The following DLG2 variants were observed in gnomAD, a reference collection of about 807,000 sequenced individuals.
DLG2 encodes disks large homolog 2.
A neutral mutation model predicts 132.5 loss-of-function variants in DLG2; 45 were observed. That is an observed-to-expected ratio of 0.34 (90% confidence interval 0.27 to 0.44). DLG2 has a LOEUF of 0.44. Among genes scored for constraint, DLG2 ranks in the 20% least tolerant of loss-of-function variants. The pLI is 1.00. For synonymous variants in DLG2, 424 were observed against 419.6 expected, an observed-to-expected ratio of 1.01 and a Z score of -0.13; for missense variants, 1,045 against 1,196.9, an observed-to-expected ratio of 0.87 and a Z score of 1.87.
chr11:83,499,800 T>C (rs1233535476), intron 21 of DLG2, among the ~76,000 whole-genome samples: 1 of 138,228 alleles, frequency 7.2e-6, no homozygotes, highest in African/African-American at 2.6e-5. Context: ...ATATATAATA[T>C]CATATATATA....
At chr11:83,661,553 T>C (rs542009076) in intron 18 of DLG2, among the ~76,000 whole-genome samples, 2 of 152,286 alleles carry the variant, frequency 1.3e-5, no homozygotes, top group Middle Eastern at 6.8e-3. Flanking sequence ...GATTTTATAA[T>C]ATTAATTTTT....
At chr11:84,792,646 T>C (rs1463846788) in intron 6 of DLG2, among the ~76,000 whole-genome samples, 2 of 152,126 alleles carry the variant, frequency 1.3e-5, no homozygotes, top group East Asian at 1.9e-4. Context: ...TAGTTCAATA[T>C]TGGTAGGTTC....
chr11:85,514,254 A>G (rs1435529967), intron 3 of DLG2, among the ~76,000 whole-genome samples: 1 of 152,036 alleles, frequency 6.6e-6, no homozygotes, highest in East Asian at 1.9e-4. Context: ...ACAAATGCAG[A>G]AATGTAAGGC....
intron 8 of DLG2, among the ~76,000 whole-genome samples, chr11:84,202,502 A>G (rs1278024250): frequency 6.6e-6 from 1 of 152,218 alleles, no homozygotes; most frequent in African/African-American, 2.4e-5. Flanking sequence ...TAAAACCCAA[A>G]ACTATAAAAA....
At chr11:85,006,309 C>A (rs923497086) in intron 6 of DLG2, among the ~76,000 whole-genome samples, 2 of 152,166 alleles carry the variant, frequency 1.3e-5, no homozygotes, top group African/African-American at 4.8e-5. Flanking sequence ...ATATTACCAG[C>A]TCCTCTTTGT....
At chr11:84,952,120 T>C (rs1299357531) in intron 6 of DLG2, among the ~76,000 whole-genome samples, 2 of 152,226 alleles carry the variant, frequency 1.3e-5, no homozygotes, top group Non-Finnish European at 2.9e-5. Flanking sequence ...ACAAATCCAA[T>C]TATGCTTACT....
intron 7 of DLG2, among the ~76,000 whole-genome samples, chr11:84,503,259 T>C (rs550368882): frequency 6.6e-6 from 1 of 152,298 alleles, no homozygotes; most frequent in South Asian, 2.1e-4. Flanking sequence ...GAATACCCAA[T>C]ACTATTTCAT....
Position 84,677,868 on chromosome 11 carries a change from G to C in DLG2, c.358-143137C>G, listed in dbSNP as rs535086197. On this transcript the variant is annotated intron_variant, in intron 6 of 27. Coordinates refer to ENST00000376104, the MANE Select transcript of DLG2 (RefSeq NM_001142699.3). ...AGCCCTACTGCACTCCAACTTGGGA[G>C]AAAGAGTGAGACTCTGTCTCAAAAA... Among the ~76,000 whole-genome samples the C allele has an allele frequency of 3.9e-5, 6 of 152,116 alleles. No homozygotes were observed. The South Asian group carries it at 1.2e-3, about 32-fold the overall frequency.
intron 6 of DLG2, among the ~76,000 whole-genome samples, chr11:84,888,545 G>A (rs181345979): frequency 2.6e-5 from 4 of 152,144 alleles, no homozygotes; most frequent in Admixed American, 2.6e-4. Context: ...ATAATCATGT[G>A]AGCCAATTCT....
chr11:85,245,773 C>T (rs1595673214), intron 4 of DLG2, among the ~76,000 whole-genome samples: 1 of 151,958 alleles, frequency 6.6e-6, no homozygotes, highest in African/African-American at 2.4e-5. Flanking sequence ...TTACCTGCTA[C>T]ACTATACTTA....
At chr11:84,038,903 C>G (rs2095961721) in intron 11 of DLG2, among the ~76,000 whole-genome samples, 1 of 151,954 alleles carries the variant, frequency 6.6e-6, no homozygotes, top group African/African-American at 2.4e-5. Flanking sequence ...ACCATTAGAT[C>G]TTGTAAGAAC....
intron 6 of DLG2, among the ~76,000 whole-genome samples, chr11:84,876,860 C>G (rs1478272235): frequency 1.3e-5 from 2 of 152,166 alleles, no homozygotes; most frequent in Non-Finnish European, 2.9e-5. Flanking sequence ...TTAGCTGTGT[C>G]CCAGAGATTC....
intron 7 of DLG2, among the ~76,000 whole-genome samples, chr11:84,356,959 T>C (rs564649010): frequency 1.6e-4 from 25 of 152,110 alleles, no homozygotes; most frequent in African/African-American, 6.0e-4. Context: ...TGGGTAGAAA[T>C]CAGCTTGGTT....
intron 7 of DLG2, among the ~76,000 whole-genome samples, chr11:84,496,184 C>T (rs1263231354): frequency 2.0e-5 from 3 of 152,128 alleles, no homozygotes; most frequent in Non-Finnish European, 4.4e-5. Context: ...GTACCACCAT[C>T]GTGAACCTCA....
At chr11:84,709,830 A>T (rs1381860098) in intron 6 of DLG2, among the ~76,000 whole-genome samples, 1 of 151,920 alleles carries the variant, frequency 6.6e-6, no homozygotes, top group Admixed American at 6.6e-5. Flanking sequence ...ATAGAGATCA[A>T]TTGTAGACTT....
At chr11:84,513,978 CA>C (rs2099264814) in intron 7 of DLG2, among the ~76,000 whole-genome samples, 1 of 151,798 alleles carries the variant, frequency 6.6e-6, no homozygotes, top group Non-Finnish European at 1.5e-5. Context: ...ATAGGGAGCT[CA>C]AACAACTCTA....
intron 6 of DLG2, among the ~76,000 whole-genome samples, chr11:84,796,886 G>A (rs936056371): frequency 7.3e-5 from 11 of 150,802 alleles, no homozygotes; most frequent in African/African-American, 2.7e-4. Context: ...AGCTCTTGTT[G>A]CCCAGGCTGG....
intron 22 of DLG2, among the ~76,000 whole-genome samples, chr11:83,476,851 T>A (rs11233628): frequency 0.29 from 44,524 of 151,934 alleles, 6,923 homozygotes; most frequent in Non-Finnish European, 0.36. Flanking sequence ...AATAAATAGT[T>A]TTGTTGCAGA....
intron 3 of DLG2, among the ~76,000 whole-genome samples, chr11:85,514,012 G>A (rs2094127938): frequency 6.6e-6 from 1 of 151,620 alleles, no homozygotes; most frequent in South Asian, 2.1e-4. Flanking sequence ...ACACCTTCTG[G>A]GTGTTTTTCC....
Sources: gnomAD v4.1 joint callset for allele counts (sites outside exome capture counted in the v4.1 genomes callset) on GRCh38, gnomAD v4.1.1 for gene constraint, MANE v1.5 for transcripts, NCBI Gene and HGNC (gene_info 2026-07-23, HGNC 2026-07-21) for gene names.